The following FANCD2 variants were observed in gnomAD, a reference collection of about 807,000 sequenced individuals.
FANCD2 encodes the protein Fanconi anemia group D2 protein.
FANCD2 carries 131 observed loss-of-function variants against 192.3 expected under a neutral mutation model. That is an observed-to-expected ratio of 0.68 (90% CI 0.59 to 0.79). The LOEUF (loss-of-function observed/expected upper bound fraction) is 0.79. Among genes scored for constraint, FANCD2 ranks in the 30% least tolerant of loss-of-function variants. FANCD2 has a pLI of 0.00. For missense variants in FANCD2, 1,508 were observed against 1,701.6 expected, an observed-to-expected ratio of 0.89 and a Z score of 2.00; for synonymous variants, 524 against 612.5, an observed-to-expected ratio of 0.86 and a Z score of 2.13.
intron 18 of FANCD2, among the ~76,000 whole-genome samples, chr3:10,059,060 C>G (rs190052766): frequency 6.6e-6 from 1 of 152,208 alleles, no homozygotes; most frequent in East Asian, 1.9e-4. Flanking sequence ...GTCACCCAGG[C>G]TAGAGTACAG....
chr3:10,096,579 A>G (rs1311468674), intron 42 of FANCD2, 107 bp downstream of exon 42: 4 of 1,025,826 alleles, frequency 3.9e-6, no homozygotes, highest in Non-Finnish European at 4.6e-6. Context: ...CAGTAAGGCT[A>G]CTTTTCTCTT....
At chr3:10,059,694 T>A (rs2087508842) in intron 18 of FANCD2, among the ~76,000 whole-genome samples, 1 of 151,766 alleles carries the variant, frequency 6.6e-6, no homozygotes, top group African/African-American at 2.4e-5. Flanking sequence ...TAGTCCCAGC[T>A]ACTTGGGAGG....
At position 10,034,718 on chromosome 3, in the gene FANCD2, C is replaced by T. The variant is rs2124975131; in HGVS notation, c.297C>T (p.Gly99=). The T allele has an allele frequency of 1.3e-6, 2 of 1,569,302 alleles. No homozygotes were observed. The highest frequency in any genetic ancestry group is 1.7e-6 in the Non-Finnish European group (2 of 1,156,590). ...AGATAATAGAAGAATTTGTTAGTGG[C>T]CTGGAGTCTTACATTGAGGATGAAG... ...YPKIIEEFVS[G]LESYIEDEDS... Residue 99 remains glycine (G), a synonymous_variant, in exon 5 of 44, where the codon GGC becomes GGT. Coordinates refer to ENST00000675286, the MANE Select transcript of FANCD2 (RefSeq NM_001018115.3).
chr3:10,054,450 T>TATAC lies in FANCD2; in HGVS notation c.1656+1956_1656+1957insCATA, dbSNP rs1220239420. 5.2e-3 allele frequency among the ~76,000 whole-genome samples: 115 copies of TATAC among 22,152 alleles called. 1 individual carries two copies. Among genetic ancestry groups the TATAC allele is most frequent in the African/African-American group, 0.018 (87 of 4,898 alleles). 14.5% of individuals were successfully genotyped at this position (22,152 alleles called of 152,430 possible). On this transcript the variant is annotated intron_variant, in intron 18 of 43. Coordinates refer to ENST00000675286, the MANE Select transcript of FANCD2 (RefSeq NM_001018115.3). Reference sequence around the variant, plus strand: ...ACATGTATATACATGTATATACATATATATATATATATATATATATATATT... The same window carrying TATAC: ...ACATGTATATACATGTATATACATATATACATATATATATATATATATATATATT...
rs201967900 is a variant in FANCD2, at chr3:10,054,383, ATATATGTATATACG to A, written c.1656+1906_1656+1919del. On this transcript the variant is annotated intron_variant, in intron 18 of 43. Coordinates refer to ENST00000675286, the MANE Select transcript of FANCD2 (RefSeq NM_001018115.3). ...TATATATATACGTGTATATACATAT[ATATATGTATATACG>A]TATATGTATATACGTATATACATAT... 8.6e-4 allele frequency among the ~76,000 whole-genome samples: 101 copies of A among 117,274 alleles called. 1 individual carries two copies. In the East Asian group the frequency reaches 0.018, roughly 21 times the overall value. The allele number at this position is 117,274 out of a possible 152,430, so 76.9% of individuals were successfully genotyped here.
At position 10,081,107 on chromosome 3, in the gene FANCD2, G is replaced by A. The variant is rs1479681259; in HGVS notation, c.2984G>A (p.Gly995Glu). The change falls in exon 31 of 44, where the codon GGA becomes GAA. Residue 995 changes from glycine (G) to glutamate (E), a missense_variant. This residue lies in a region of FANCD2 where 796 missense variants were observed against 879.4 expected (regional missense o/e 0.91). Coordinates refer to ENST00000675286, the MANE Select transcript of FANCD2 (RefSeq NM_001018115.3). ...ARRVPFLKNK[G>E]SRNIGFSHLQ... ...ACTCTGCATTTATTATAGAACAAAG[G>A]AAGCCGGAATATTGGATTCTCACAT... 10 of 1,614,010 alleles carry A rather than the reference G, an allele frequency of 6.2e-6. No homozygotes were observed. The Admixed American group carries it at 1.5e-4, about 24-fold the overall frequency.
intron 7 of FANCD2, among the ~76,000 whole-genome samples, chr3:10,036,879 A>C (rs2086744608): frequency 6.6e-6 from 1 of 152,126 alleles, no homozygotes; most frequent in Non-Finnish European, 1.5e-5. Flanking sequence ...TCTGTTGCCC[A>C]GGCTGGAGTG....
chr3:10,074,726 A>G (rs2125050306), intron 29 of FANCD2, 53 bp downstream of exon 29: 2 of 1,559,992 alleles, frequency 1.3e-6, no homozygotes, highest in South Asian at 1.1e-5. Context: ...AAAGTTCCTC[A>G]GGTCTATTCT....
intron 38 of FANCD2, 66 bp from the exon 39 acceptor site, chr3:10,093,219 G>T: frequency 8.0e-7 from 1 of 1,256,808 alleles, no homozygotes; most frequent in East Asian, 2.3e-5. Flanking sequence ...TTGCGCAGCG[G>T]GAAAGAGGCT....
chr3:10,068,787 CA>C (rs773582349), intron 26 of FANCD2, among the ~76,000 whole-genome samples: 1 of 151,968 alleles, frequency 6.6e-6, no homozygotes, highest in Non-Finnish European at 1.5e-5. Flanking sequence ...GGTGCTGGCA[CA>C]AAAACAGATG....
chr3:10,027,974 AG>A (rs1339967181), intron 1 of FANCD2, among the ~76,000 whole-genome samples: 2 of 148,920 alleles, frequency 1.3e-5, no homozygotes, highest in Non-Finnish European at 3.0e-5. Flanking sequence ...GCACTTTGGG[AG>A]GCCGAGGTGG....
At chr3:10,066,178 A>G (rs1333672448) in intron 25 of FANCD2, among the ~76,000 whole-genome samples, 199 bp downstream of exon 25, 1 of 152,160 alleles carries the variant, frequency 6.6e-6, no homozygotes, top group Non-Finnish European at 1.5e-5. Flanking sequence ...TTCACTTCAC[A>G]TTGCCCATGC....
rs139929432 is a variant in FANCD2 at position 10,085,921 on chromosome 3, A to G, written c.3334A>G (p.Ser1112Gly). The part of the protein sequence containing the change: ...EHSQPLEELL[S>G]QSVHYLQNFH... ...CAGCCAGCCTTTGGAGGAACTACTC[A>G]GGTGAGTCATAACTACATAGCCAAG... Residue 1112 changes from serine to glycine, a missense_variant and splice_region_variant, in exon 33 of 44, where the codon AGC (serine) becomes GGC (glycine). By Grantham distance (56) the Ser-to-Gly change is moderately conservative. This residue lies in a region of FANCD2 where 796 missense variants were observed against 879.4 expected (regional missense o/e 0.91). Coordinates refer to ENST00000675286, the MANE Select transcript of FANCD2 (RefSeq NM_001018115.3). The G allele has an allele frequency of 2.1e-5, 33 of 1,601,276 alleles. No individual in the cohort carries two copies. Among genetic ancestry groups the G allele is most frequent in the Non-Finnish European group, 2.7e-5 (31 of 1,168,518 alleles).
intron 26 of FANCD2, among the ~76,000 whole-genome samples, chr3:10,071,763 T>A (rs1182639329): frequency 2.6e-5 from 4 of 152,134 alleles, no homozygotes; most frequent in Non-Finnish European, 5.9e-5. Flanking sequence ...AAGATCTAGT[T>A]GTTTTTGTAT....
At chr3:10,051,092 AGAGT>A (rs1332294849) in intron 17 of FANCD2, among the ~76,000 whole-genome samples, 1 of 147,252 alleles carries the variant, frequency 6.8e-6, no homozygotes, top group African/African-American at 2.6e-5. Context: ...CAAAAAAAAA[AGAGT>A]GAGGCCGGGC....
chr3:10,099,165 A>AT (rs1695156042), intron 43 of FANCD2: 6 of 1,430,684 alleles, frequency 4.2e-6, no homozygotes, highest in Middle Eastern at 2.6e-4. Flanking sequence ...GAGTTAAACC[A>AT]TTTAAACACA....
intron 1 of FANCD2, among the ~76,000 whole-genome samples, chr3:10,027,216 C>T (rs1365060830): frequency 6.6e-6 from 1 of 152,204 alleles, no homozygotes; most frequent in Non-Finnish European, 1.5e-5. Flanking sequence ...TGGGTTCCTG[C>T]TCTCAAAGAG....
At chr3:10,090,151 C>A in intron 36 of FANCD2, 141 bp from the exon 37 acceptor site, 1 of 672,190 alleles carries the variant, frequency 1.5e-6, no homozygotes, top group East Asian at 2.8e-5. Context: ...CCTTTCCGCT[C>A]CCCCATCCTC....
At chr3:10,080,988 T>C (rs559874184) in intron 30 of FANCD2, 112 bp from the exon 31 acceptor site, 1 of 1,131,494 alleles carries the variant, frequency 8.8e-7, no homozygotes, top group East Asian at 2.3e-5. Context: ...AACTCATTTC[T>C]CCCATCTGCT....
Sources: gnomAD v4.1 joint callset for allele counts (sites outside exome capture counted in the v4.1 genomes callset) on GRCh38, gnomAD v4.1.1 for gene constraint, gnomAD v4.1.1 regional missense constraint, MANE v1.5 for transcripts, NCBI Gene and HGNC (gene_info 2026-07-23, HGNC 2026-07-21) for gene names.